Variants in COG6 observed in about 807,000 individuals in gnomAD.
COG6 encodes the protein conserved oligomeric Golgi complex subunit 6.
A neutral mutation model predicts 88.8 loss-of-function variants in COG6; 74 were observed. The observed-to-expected ratio is 0.83, with a 90% confidence interval of 0.69 to 1.01. The LOEUF is 1.01. Among genes scored for constraint, COG6 ranks in the 50% least tolerant of loss-of-function variants. The pLI is 0.00. For missense variants in COG6, 800 were observed against 797.9 expected (o/e 1.00, Z -0.03); for synonymous variants, 286 against 278.7 (o/e 1.03, Z -0.26).
chr13:39,680,391 G>A (rs1157980859), intron 7 of COG6, among the ~76,000 whole-genome samples: 1 of 152,158 alleles, frequency 6.6e-6, no homozygotes, highest in Non-Finnish European at 1.5e-5. Context: ...AGCAGATTAG[G>A]TATCTCTTGT....
chr13:39,730,248 A>T (rs1027034236), intron 18 of COG6, among the ~76,000 whole-genome samples: 1 of 152,156 alleles, frequency 6.6e-6, no homozygotes, highest in Non-Finnish European at 1.5e-5. Context: ...TATTATTTAT[A>T]TAAGTATTAA....
chr13:39,675,901 A>G (rs1177783183), intron 4 of COG6, among the ~76,000 whole-genome samples: 3 of 152,114 alleles, frequency 2.0e-5, no homozygotes, highest in African/African-American at 7.2e-5. Context: ...CTGTTAAGGT[A>G]ACTCTTTAAG....
At chr13:39,784,393 G>T (rs1011059670) in intron 18 of COG6, among the ~76,000 whole-genome samples, 1 of 152,194 alleles carries the variant, frequency 6.6e-6, no homozygotes, top group Non-Finnish European at 1.5e-5. Flanking sequence ...CCTAGAAGAG[G>T]CAGGAGCTCT....
intron 18 of COG6, among the ~76,000 whole-genome samples, chr13:39,775,878 T>C (rs1462361826): frequency 2.6e-5 from 4 of 151,920 alleles, no homozygotes; most frequent in Non-Finnish European, 1.5e-5. Flanking sequence ...CAAGTGATTC[T>C]CCTACCTCAG....
chr13:39,724,825 T>G (rs1879047958), intron 17 of COG6, among the ~76,000 whole-genome samples: 1 of 151,946 alleles, frequency 6.6e-6, no homozygotes, highest in Admixed American at 6.6e-5. Flanking sequence ...TTTTTAGAGT[T>G]TTGTTCCTAA....
chr13:39,706,128 A>T (rs1877880115), intron 13 of COG6, among the ~76,000 whole-genome samples: 1 of 150,268 alleles, frequency 6.7e-6, no homozygotes, highest in South Asian at 2.1e-4. Context: ...ATTGTCAATT[A>T]CTAGAATGTA....
intron 15 of COG6, among the ~76,000 whole-genome samples, chr13:39,720,162 T>C (rs1419203524): frequency 6.6e-6 from 1 of 152,120 alleles, no homozygotes; most frequent in East Asian, 1.9e-4. Context: ...ATGTGGATTT[T>C]AGTTTCTGAA....
Position 39,719,669 on chromosome 13 carries a change from T to C in COG6, c.1426T>C (p.Cys476Arg), listed in dbSNP as rs781499017. The C allele has an allele frequency of 3.1e-6, 5 of 1,612,228 alleles. No individual in the cohort carries two copies. Among genetic ancestry groups the C allele is most frequent in the Admixed American group, 1.7e-5 (1 of 59,920 alleles). ...TATTTTTCATTTGTAGGTTTTATCA[T>C]GTGTCTTGGATCCTCTCCTACAGAT... Reference protein sequence around the residue: ...RQADFVQVLSCVLDPLLQMCT... With the variant: ...RQADFVQVLSRVLDPLLQMCT... The change falls in exon 15 of 19, where the codon TGT becomes CGT. Residue 476 changes from cysteine (C) to arginine (R), a missense_variant. Transcript: ENST00000455146.
At chr13:39,733,293 C>G (rs1447076856) in intron 18 of COG6, among the ~76,000 whole-genome samples, 1 of 150,594 alleles carries the variant, frequency 6.6e-6, no homozygotes, top group Non-Finnish European at 1.5e-5. Flanking sequence ...TGGGTGCAAG[C>G]CACTCTTCTG....
chr13:39,709,823 G>A (rs544727833), intron 13 of COG6, among the ~76,000 whole-genome samples: 4 of 151,964 alleles, frequency 2.6e-5, no homozygotes, highest in Non-Finnish European at 5.9e-5. Flanking sequence ...CCGTATCTTC[G>A]CTATTGTGCA....
At chr13:39,779,415 C>T (rs1453382316) in intron 18 of COG6, among the ~76,000 whole-genome samples, 1 of 152,196 alleles carries the variant, frequency 6.6e-6, no homozygotes, top group East Asian at 1.9e-4. Context: ...TCCTATTGGG[C>T]TTTGCAGAAC....
intron 18 of COG6, among the ~76,000 whole-genome samples, chr13:39,777,020 C>T (rs1881483794): frequency 6.6e-6 from 1 of 152,122 alleles, no homozygotes; most frequent in Non-Finnish European, 1.5e-5. Flanking sequence ...TGAGAAGTAA[C>T]AATTGGTTCC....
intron 1 of COG6, chr13:39,656,092 C>CT (rs1566165610): frequency 7.1e-6 from 5 of 701,812 alleles, no homozygotes; most frequent in Non-Finnish European, 1.3e-5. Flanking sequence ...AAGGGGTTTC[C>CT]TGGGTGTTCT....
chr13:39,770,650 GAGAA>G (rs1417212815), intron 18 of COG6, among the ~76,000 whole-genome samples: 1 of 152,126 alleles, frequency 6.6e-6, no homozygotes, highest in African/African-American at 2.4e-5. Flanking sequence ...TGATTAAAAA[GAGAA>G]AGAAATCCAT....
At chr13:39,694,579 GA>G (rs1048420746) in intron 11 of COG6, 54 bp from the exon 12 acceptor site, 56 of 1,101,768 alleles carry the variant, frequency 5.1e-5, no homozygotes, top group African/African-American at 3.7e-4. Context: ...TGTTATTAAT[GA>G]AAAAAAGTTA....
rs1880701768 is a variant in COG6 at position 39,752,617 on chromosome 13, T to G, written c.*1524T>G. ...TTTTACCTGGTTTTTTCAAATAAAA[T>G]ATTAAAATATTTCTAGAGCAGCAAT... On this transcript the variant is annotated 3_prime_UTR_variant, in exon 19 of 19. Coordinates refer to ENST00000455146, the MANE Select transcript of COG6 (RefSeq NM_020751.3). 1 of 1,262,326 alleles carries G rather than the reference T, an allele frequency of 7.9e-7. No homozygotes were observed. Among genetic ancestry groups the G allele is most frequent in the Non-Finnish European group, 1.0e-6 (1 of 975,148 alleles). The allele number at this position is 1,262,326 out of a possible 1,614,324, so 78.2% of individuals were successfully genotyped here. A position where few individuals can be genotyped will look rare whatever the true frequency, so the allele number is the denominator to read the frequency against.
intron 18 of COG6, among the ~76,000 whole-genome samples, chr13:39,730,698 C>T (rs545776755): frequency 2.3e-5 from 3 of 132,328 alleles, no homozygotes; most frequent in South Asian, 2.4e-4. Context: ...CGCTTGAACC[C>T]GGGAGGTGGA....
chr13:39,674,139 G>A (rs765460289), intron 4 of COG6, among the ~76,000 whole-genome samples: 88 of 151,752 alleles, frequency 5.8e-4, no homozygotes, highest in Non-Finnish European at 1.1e-3. Flanking sequence ...GTATACACGT[G>A]CCATGTTGGT....
At chr13:39,659,294 A>G (rs1224501025) in intron 1 of COG6, 70 bp from the exon 2 acceptor site, 81 of 1,400,688 alleles carry the variant, frequency 5.8e-5, no homozygotes, top group Non-Finnish European at 7.9e-5. Flanking sequence ...ATTTCATTAC[A>G]TTTTGTCTTG....
Sources: allele counts gnomAD v4.1 joint callset (sites outside exome capture counted in the v4.1 genomes callset), GRCh38; gene constraint gnomAD v4.1.1; transcripts MANE v1.5; gene names NCBI Gene and HGNC (gene_info 2026-07-23, HGNC 2026-07-21).